The following FAM114A1 variants were observed in gnomAD, a reference collection of about 807,000 sequenced individuals.
FAM114A1 encodes the protein family with sequence similarity 114 member A1.
FAM114A1 carries 62 observed loss-of-function variants against 64.3 expected under a neutral mutation model. That is an observed-to-expected ratio of 0.96 (90% CI 0.79 to 1.19). The LOEUF (loss-of-function observed/expected upper bound fraction) is 1.19. Among genes scored for constraint, FAM114A1 ranks in the 50% most tolerant of loss-of-function variants. The probability of loss-of-function intolerance (pLI) is 0.00; values close to 1 mark genes in which losing one functional copy is unlikely to be tolerated. For synonymous variants in FAM114A1, 254 were observed against 251.1 expected (o/e 1.01, Z -0.11); for missense variants, 645 against 676.3 (o/e 0.95, Z 0.51).
chr4:38,878,454 G>A (rs1008111308), intron 3 of FAM114A1, 28 bp downstream of exon 3: 22 of 1,539,524 alleles, frequency 1.4e-5, no homozygotes, highest in South Asian at 2.5e-5. Context: ...AATTCACTTC[G>A]GCCTAAGTTC....
At chr4:38,896,232 G>A (rs1716926922) in intron 4 of FAM114A1, among the ~76,000 whole-genome samples, 1 of 152,042 alleles carries the variant, frequency 6.6e-6, no homozygotes, top group Non-Finnish European at 1.5e-5. Context: ...TACTAAAATT[G>A]TTCATCACCA....
chr4:38,931,654 T>A, intron 11 of FAM114A1, 42 bp downstream of exon 11: 2 of 1,538,256 alleles, frequency 1.3e-6, no homozygotes, highest in Non-Finnish European at 1.7e-6. Context: ...GTAATAAGAG[T>A]GTGTTCATTT....
rs548680452 is a variant in FAM114A1, at chr4:38,921,358, A to G, written c.946-1412A>G. Among the ~76,000 whole-genome samples the G allele has an allele frequency of 1.4e-3, 219 of 152,280 alleles. 1 individual carries two copies. Among genetic ancestry groups the G allele is most frequent in the African/African-American group, 5.1e-3 (210 of 41,550 alleles). The stretch of plus-strand genomic sequence containing the variant: ...CTGCAGCCTCAAACTCCTGGGCTCA[A>G]GCAGTCCTCTTACCTCAGCCTCTTG... On this transcript the variant is annotated intron_variant, in intron 8 of 14. Coordinates refer to ENST00000358869, the MANE Select transcript of FAM114A1 (RefSeq NM_138389.4).
intron 8 of FAM114A1, among the ~76,000 whole-genome samples, chr4:38,917,627 G>A (rs1719196183): frequency 6.6e-6 from 1 of 152,112 alleles, no homozygotes; most frequent in South Asian, 2.1e-4. Context: ...TATCACAGGG[G>A]AGCGTGGCCC....
intron 12 of FAM114A1, among the ~76,000 whole-genome samples, chr4:38,934,182 G>A (rs1720890453): frequency 6.6e-6 from 1 of 152,138 alleles, no homozygotes; most frequent in African/African-American, 2.4e-5. Context: ...AAAGAAGAGG[G>A]CCAAAGTTCA....
rs1685634806 is a variant in FAM114A1, at chr4:38,944,509, C to T, written c.*952C>T. ...TGCTTAAAACAGGGGTCCCCACCCCCAGGCCACAGACCAGTACCAGTCCGT... is the reference window on the plus strand; with the variant it reads ...TGCTTAAAACAGGGGTCCCCACCCCTAGGCCACAGACCAGTACCAGTCCGT... On this transcript the variant is annotated 3_prime_UTR_variant, in exon 15 of 15. Coordinates refer to ENST00000358869, the MANE Select transcript of FAM114A1 (RefSeq NM_138389.4). 6.6e-6 allele frequency: 1 copy of T among 152,300 alleles called. No homozygotes were observed. Among genetic ancestry groups the T allele is most frequent in the Non-Finnish European group, 1.5e-5 (1 of 68,120 alleles). The allele number at this position is 152,300 out of a possible 1,614,324, so 9.4% of individuals were successfully genotyped here.
chr4:38,930,940 A>C (rs1720575056), intron 10 of FAM114A1, among the ~76,000 whole-genome samples: 1 of 152,302 alleles, frequency 6.6e-6, no homozygotes, highest in South Asian at 2.1e-4. Context: ...AAGACCTGTC[A>C]TGAATCAAGA....
intron 10 of FAM114A1, 56 bp downstream of exon 10, chr4:38,929,389 T>A: frequency 9.2e-6 from 12 of 1,306,534 alleles, no homozygotes; most frequent in Non-Finnish European, 1.3e-5. Flanking sequence ...CAGGGGAGAG[T>A]CTCTGTTGTA....
chr4:38,903,753 C>A (rs1445492030), intron 4 of FAM114A1, among the ~76,000 whole-genome samples: 1 of 152,088 alleles, frequency 6.6e-6, no homozygotes, highest in African/African-American at 2.4e-5. Flanking sequence ...TCAAGTAACT[C>A]AGTAATTAAT....
chr4:38,942,666 C>T (rs1721663376), intron 14 of FAM114A1, among the ~76,000 whole-genome samples: 1 of 152,172 alleles, frequency 6.6e-6, no homozygotes, highest in Non-Finnish European at 1.5e-5. Flanking sequence ...CTATCCCAAC[C>T]AAACATAAAG....
At chr4:38,905,892 C>A in intron 6 of FAM114A1, 31 bp downstream of exon 6, 1 of 1,578,166 alleles carries the variant, frequency 6.3e-7, no homozygotes. Context: ...TCTCTTTCCC[C>A]TGTATTTCCC....
chr4:38,900,725 G>A (rs2109653381), intron 4 of FAM114A1, among the ~76,000 whole-genome samples: 1 of 152,296 alleles, frequency 6.6e-6, no homozygotes, highest in South Asian at 2.1e-4. Context: ...AGAACGTTCT[G>A]ACTACTGGAA....
chr4:38,878,453 C>A (rs1398808371), intron 3 of FAM114A1, 27 bp downstream of exon 3: 1 of 1,540,370 alleles, frequency 6.5e-7, no homozygotes, highest in Admixed American at 2.0e-5. Flanking sequence ...CAATTCACTT[C>A]GGCCTAAGTT....
chr4:38,906,833 C>T (rs1259028570), intron 6 of FAM114A1, among the ~76,000 whole-genome samples: 2 of 152,316 alleles, frequency 1.3e-5, no homozygotes, highest in Admixed American at 6.5e-5. Flanking sequence ...GTATTTCTTA[C>T]TATGTAAACT....
At position 38,905,601 on chromosome 4, in the gene FAM114A1, A is replaced by T; in HGVS notation, c.516A>T (p.Gly172=). ...IHGVNSGSSE[G]AQPNTENGVP... is the part of the protein sequence containing the mutation. Reference sequence around the variant, plus strand: ...GTGTAAATTCTGGATCTTCTGAAGGAGCCCAACCAAATACTGAAAACGGAG... The same window carrying T: ...GTGTAAATTCTGGATCTTCTGAAGGTGCCCAACCAAATACTGAAAACGGAG... Residue 172 remains glycine, a synonymous_variant, in exon 5 of 15, where the codon GGA becomes GGT. Transcript: ENST00000358869. 2 of 1,614,178 alleles carry T rather than the reference A, an allele frequency of 1.2e-6. No individual in the cohort carries two copies. Among genetic ancestry groups the T allele is most frequent in the Non-Finnish European group, 1.7e-6 (2 of 1,180,024 alleles).
At chr4:38,917,563 A>G (rs1300980463) in intron 8 of FAM114A1, among the ~76,000 whole-genome samples, 1 of 152,236 alleles carries the variant, frequency 6.6e-6, no homozygotes, top group African/African-American at 2.4e-5. Context: ...CATGTTGATG[A>G]CAGTTGATTT....
intron 4 of FAM114A1, among the ~76,000 whole-genome samples, chr4:38,898,333 A>G (rs1035150504): frequency 3.9e-5 from 6 of 152,214 alleles, no homozygotes; most frequent in African/African-American, 1.4e-4. Context: ...CCCAAGGTAC[A>G]TAGTTTTTTC....
chr4:38,930,990 GT>G (rs1349437275), intron 10 of FAM114A1, among the ~76,000 whole-genome samples: 1 of 152,128 alleles, frequency 6.6e-6, no homozygotes, highest in East Asian at 1.9e-4. Flanking sequence ...ATGATACATT[GT>G]TAGGTTCATG....
At chr4:38,869,938 G>T (rs1245816269) in intron 2 of FAM114A1, among the ~76,000 whole-genome samples, 3 of 152,112 alleles carry the variant, frequency 2.0e-5, no homozygotes, top group East Asian at 1.9e-4. Context: ...TGAAAAACTT[G>T]CAATCTTGTC....
Sources: allele counts gnomAD v4.1 joint callset (sites outside exome capture counted in the v4.1 genomes callset), GRCh38; gene constraint gnomAD v4.1.1; transcripts MANE v1.5; gene names NCBI Gene and HGNC (gene_info 2026-07-23, HGNC 2026-07-21).